PAH: variants seen among roughly 807,000 people sequenced by gnomAD.
PAH encodes phenylalanine hydroxylase, also known as phenylalanine-4-hydroxylase.
PAH carries 64 observed loss-of-function variants against 62.0 expected under a neutral mutation model. That is an observed-to-expected ratio of 1.03 (90% CI 0.84 to 1.27). The LOEUF (loss-of-function observed/expected upper bound fraction) is 1.27. Among genes scored for constraint, PAH ranks in the 50% most tolerant of loss-of-function variants. The pLI, the probability that PAH is intolerant of heterozygous loss-of-function variation, is 0.00. For synonymous variants in PAH, 195 were observed against 196.2 expected (o/e 0.99, Z 0.05); for missense variants, 579 against 542.8 (o/e 1.07, Z -0.66).
intron 1 of PAH, chr12:102,913,993 T>C: frequency 1.6e-6 from 1 of 616,920 alleles, no homozygotes; most frequent in East Asian, 2.8e-5. Context: ...ATGAAATTAA[T>C]GGAATAGATG....
At chr12:102,895,869 A>AAAATATATATATAT (rs953209518) in intron 2 of PAH, among the ~76,000 whole-genome samples, 7 of 118,744 alleles carry the variant, frequency 5.9e-5, no homozygotes, top group African/African-American at 2.1e-4. Flanking sequence ...AAAAAAAAAA[A>AAAATATATATATAT]ATATATATAT....
chr12:102,864,994 G>C (rs1165033064), intron 5 of PAH, among the ~76,000 whole-genome samples: 1 of 152,124 alleles, frequency 6.6e-6, no homozygotes, highest in African/African-American at 2.4e-5. Flanking sequence ...ACATCAGTTA[G>C]TTAATCATGT....
chr12:102,933,218 A>T (rs1878982819), intron 1 of PAH, among the ~76,000 whole-genome samples: 1 of 152,192 alleles, frequency 6.6e-6, no homozygotes, highest in Admixed American at 6.5e-5. Context: ...AATAAGTGAG[A>T]ACATGGAAAG....
chr12:102,917,306 C>G (rs1878425461), upstream of PAH: 1 of 666,456 alleles, frequency 1.5e-6, no homozygotes, highest in African/African-American at 1.8e-5. Flanking sequence ...GGGCGTTGTC[C>G]TGACGCAGGA....
At chr12:102,866,211 C>G (rs1875952819) in intron 5 of PAH, among the ~76,000 whole-genome samples, 1 of 152,118 alleles carries the variant, frequency 6.6e-6, no homozygotes, top group South Asian at 2.1e-4. Flanking sequence ...CCAGCTCCTT[C>G]TTGAATGTAA....
chr12:102,930,223 A>C (rs1174715789), intron 1 of PAH, among the ~76,000 whole-genome samples: 1 of 152,188 alleles, frequency 6.6e-6, no homozygotes, highest in Non-Finnish European at 1.5e-5. Context: ...TCATTCATTC[A>C]GTATGTGTTT....
upstream of PAH, among the ~76,000 whole-genome samples, chr12:102,954,217 G>A (rs903094014): frequency 5.9e-5 from 9 of 152,258 alleles, no homozygotes; most frequent in South Asian, 8.3e-4. Context: ...TCTAAAAATC[G>A]GGTTACTATC....
chr12:102,898,908 CA>C, intron 2 of PAH, among the ~76,000 whole-genome samples: 1 of 152,306 alleles, frequency 6.6e-6, no homozygotes, highest in African/African-American at 2.4e-5. Context: ...TAACCTCAAA[CA>C]GGCTCACGGT....
chr12:102,843,632 T>C lies in PAH; in HGVS notation c.1199+14A>G. 1.2e-6 allele frequency: 2 copies of C among 1,613,284 alleles called. No individual in the cohort carries two copies. The highest frequency in any genetic ancestry group is 1.7e-6 in the Non-Finnish European group (2 of 1,179,534). ...GCCCCCAGAGCTAGTGGCTCACCTT[T>C]GTCACCACCTCACCTTACTTTCTCC... On this transcript the variant is annotated intron_variant, in intron 11 of 12. Transcript: ENST00000553106.
chr12:102,845,302 A>T (rs1352925538), intron 9 of PAH, among the ~76,000 whole-genome samples: 1 of 152,148 alleles, frequency 6.6e-6, no homozygotes. Flanking sequence ...ATATGACAGG[A>T]ACTCCTCCAT....
intron 1 of PAH, among the ~76,000 whole-genome samples, chr12:102,942,230 A>T: frequency 6.6e-6 from 1 of 152,142 alleles, no homozygotes; most frequent in East Asian, 1.9e-4. Flanking sequence ...GTTTCAGAAT[A>T]AAAAAATCAA....
At position 102,836,921 on chromosome 12, in the gene PAH, T is replaced by G. The variant is rs1874388793; in HGVS notation, c.*2254A>C. On this transcript the variant is annotated 3_prime_UTR_variant, in exon 13 of 13. Coordinates refer to ENST00000553106, the MANE Select transcript of PAH (RefSeq NM_000277.3). ...ATAAAGCTGACATTTTATTGGTGGATTTTTTGAAACACAACTAAATTATAT... is the reference window on the plus strand; with the variant it reads ...ATAAAGCTGACATTTTATTGGTGGAGTTTTTGAAACACAACTAAATTATAT... 6.6e-6 allele frequency: 1 copy of G among 152,224 alleles called. No homozygotes were observed. The highest frequency in any genetic ancestry group is 2.4e-5 in the African/African-American group (1 of 41,462). The allele number at this position is 152,224 out of a possible 1,614,324, so 9.4% of individuals were successfully genotyped here.
intron 2 of PAH, among the ~76,000 whole-genome samples, chr12:102,898,610 A>G (rs989464478): frequency 6.6e-6 from 1 of 152,244 alleles, no homozygotes; most frequent in African/African-American, 2.4e-5. Flanking sequence ...ATACTTAAGT[A>G]ACACTTTATA....
intron 1 of PAH, among the ~76,000 whole-genome samples, chr12:102,947,201 C>CTG (rs1300313188): frequency 6.6e-6 from 1 of 151,256 alleles, no homozygotes; most frequent in Non-Finnish European, 1.5e-5. Context: ...GTGTGTGTGT[C>CTG]TGTGTGTGTG....
intron 2 of PAH, among the ~76,000 whole-genome samples, chr12:102,912,414 CTT>C (rs907706604): frequency 3.9e-5 from 6 of 152,170 alleles, no homozygotes; most frequent in South Asian, 2.1e-4. Flanking sequence ...CTTGTTTACT[CTT>C]TAACTGTAAT....
chr12:102,944,489 T>C (rs1879415576), intron 1 of PAH, among the ~76,000 whole-genome samples: 1 of 152,256 alleles, frequency 6.6e-6, no homozygotes, highest in South Asian at 2.1e-4. Context: ...AAATAGCCTG[T>C]CTTCAAGCTC....
chr12:102,921,561 G>A (rs1033553757), upstream of PAH, among the ~76,000 whole-genome samples: 5 of 152,094 alleles, frequency 3.3e-5, no homozygotes, highest in Non-Finnish European at 7.4e-5. Flanking sequence ...AATTTTTGTG[G>A]TTTGTACTAT....
upstream of PAH, chr12:102,958,401 C>G: frequency 6.7e-7 from 1 of 1,492,860 alleles, no homozygotes; most frequent in Non-Finnish European, 9.0e-7. Context: ...CGCGCAGCAG[C>G]AGCAGCAGCA....
chr12:102,899,958 C>T (rs757669863), intron 2 of PAH, among the ~76,000 whole-genome samples: 2 of 145,538 alleles, frequency 1.4e-5, no homozygotes, highest in African/African-American at 2.5e-5. Context: ...AGTGCAGTGG[C>T]GGTCTCTAGA....
Sources: allele counts gnomAD v4.1 joint callset (sites outside exome capture counted in the v4.1 genomes callset), GRCh38; gene constraint gnomAD v4.1.1; transcripts MANE v1.5; gene names NCBI Gene and HGNC (gene_info 2026-07-23, HGNC 2026-07-21).